Variants in TENM2 observed in about 807,000 individuals in gnomAD.
The protein encoded by TENM2 is teneurin-2.
A neutral mutation model predicts 245.2 loss-of-function variants in TENM2; 52 were observed. The ratio of observed to expected loss-of-function variants is 0.21; its 90% CI spans 0.17 to 0.27. The LOEUF is 0.27. Among genes scored for constraint, TENM2 ranks in the 10% least tolerant of loss-of-function variants. The pLI, the probability that TENM2 is intolerant of heterozygous loss-of-function variation, is 1.00. For missense variants in TENM2, 3,046 were observed against 3,666.8 expected, an observed-to-expected ratio of 0.83 and a Z score of 4.37; for synonymous variants, 1,363 against 1,438.9, an observed-to-expected ratio of 0.95 and a Z score of 1.19.
intron 3 of TENM2, among the ~76,000 whole-genome samples, chr5:167,891,759 G>A (rs1173257099): frequency 2.0e-5 from 3 of 152,086 alleles, no homozygotes; most frequent in Non-Finnish European, 4.4e-5. Flanking sequence ...ACAGGTGCTG[G>A]GCATTGCCTG....
chr5:167,529,438 A>G (rs1031447734), intron 2 of TENM2, among the ~76,000 whole-genome samples: 85 of 152,180 alleles, frequency 5.6e-4, no homozygotes, highest in African/African-American at 2.0e-3. Flanking sequence ...CTATAACTAG[A>G]ATCCATTGCC....
intron 13 of TENM2, among the ~76,000 whole-genome samples, chr5:168,170,136 G>T (rs1758671546): frequency 6.6e-6 from 1 of 152,130 alleles, no homozygotes; most frequent in African/African-American, 2.4e-5. Flanking sequence ...GGGCATATTT[G>T]ACTAGAGAAT....
chr5:167,779,064 G>A (rs578097434), intron 2 of TENM2, among the ~76,000 whole-genome samples: 1 of 152,292 alleles, frequency 6.6e-6, no homozygotes, highest in African/African-American at 2.4e-5. Flanking sequence ...GCAATGAGGT[G>A]GAAGGAAGAA....
At chr5:167,273,093 T>A in the TENM2 span, among the ~76,000 whole-genome samples, 1 of 152,166 alleles carries the variant, frequency 6.6e-6, no homozygotes, top group African/African-American at 2.4e-5. Context: ...TAGGATATTC[T>A]GAGAAGTTAA....
At chr5:167,190,230 C>G in the TENM2 span, among the ~76,000 whole-genome samples, 1 of 152,074 alleles carries the variant, frequency 6.6e-6, no homozygotes. Context: ...GTCTAATGTA[C>G]AAATTCTATA....
chr5:168,139,807 C>A (rs924578460), intron 12 of TENM2, among the ~76,000 whole-genome samples: 1 of 152,220 alleles, frequency 6.6e-6, no homozygotes, highest in African/African-American at 2.4e-5. Flanking sequence ...CATGACCCAG[C>A]TCCAGCTGAA....
intron 6 of TENM2, among the ~76,000 whole-genome samples, chr5:168,049,678 A>G (rs1432544553): frequency 6.6e-6 from 1 of 152,234 alleles, no homozygotes; most frequent in Non-Finnish European, 1.5e-5. Context: ...TGTCTTTGGA[A>G]AGACCAGAAT....
At chr5:167,867,684 A>T (rs1253386667) in intron 2 of TENM2, among the ~76,000 whole-genome samples, 2 of 152,236 alleles carry the variant, frequency 1.3e-5, no homozygotes, top group African/African-American at 4.8e-5. Context: ...AGTCAGGCTG[A>T]TATCGTCTCA....
chr5:168,145,321 G>A lies in TENM2; in HGVS notation c.2423-17290G>A, dbSNP rs1362735387. 2.0e-4 allele frequency among the ~76,000 whole-genome samples: 29 copies of A among 144,714 alleles called. No individual in the cohort carries two copies. In the East Asian group the frequency reaches 2.4e-3, roughly 12 times the overall value. 94.9% of individuals were successfully genotyped at this position (144,714 alleles called of 152,430 possible). ...GGGTTTTTATGGTTTTAGATCTAAC[G>A]TTTAAGTCTTTAATCCATCTTGAAT... On this transcript the variant is annotated intron_variant, in intron 12 of 28. Transcript: ENST00000518659.
chr5:167,210,558 G>C, the TENM2 span, among the ~76,000 whole-genome samples: 2 of 150,708 alleles, frequency 1.3e-5, no homozygotes, highest in African/African-American at 4.9e-5. Context: ...CTGCTTCCCG[G>C]GTTCACGCCA....
intron 2 of TENM2, among the ~76,000 whole-genome samples, chr5:167,378,605 C>T (rs565348520): frequency 1.3e-5 from 2 of 152,150 alleles, no homozygotes; most frequent in Admixed American, 1.3e-4. Flanking sequence ...GTTTTTGCTG[C>T]TGTGAAATTT....
the TENM2 span, among the ~76,000 whole-genome samples, chr5:167,136,588 T>A: frequency 6.6e-6 from 1 of 152,208 alleles, no homozygotes; most frequent in Non-Finnish European, 1.5e-5. Context: ...TACATTTTGA[T>A]CCACCCCTAT....
the TENM2 span, among the ~76,000 whole-genome samples, chr5:167,143,629 T>G: frequency 6.6e-6 from 1 of 152,188 alleles, no homozygotes; most frequent in East Asian, 1.9e-4. Context: ...TGAGTAGGCC[T>G]TAACCACTGA....
chr5:167,834,661 T>C (rs2909794), intron 2 of TENM2, among the ~76,000 whole-genome samples: 61,142 of 123,978 alleles, frequency 0.49, 12,717 homozygotes, highest in Middle Eastern at 0.61. Flanking sequence ...TTTTTTTTTT[T>C]CTTTTTGAGA....
At chr5:167,958,838 C>T (rs994053029) in intron 4 of TENM2, among the ~76,000 whole-genome samples, 1 of 151,530 alleles carries the variant, frequency 6.6e-6, no homozygotes, top group African/African-American at 2.4e-5. Context: ...AGCGTGTCTG[C>T]AGAGAGATCC....
chr5:167,272,962 A>G, the TENM2 span, among the ~76,000 whole-genome samples: 16 of 152,154 alleles, frequency 1.1e-4, no homozygotes, highest in African/African-American at 3.6e-4. Context: ...TTACACACAC[A>G]TACACAAACA....
the TENM2 span, among the ~76,000 whole-genome samples, chr5:166,986,853 C>T: frequency 1.3e-5 from 2 of 152,154 alleles, no homozygotes; most frequent in Non-Finnish European, 2.9e-5. Context: ...GTTAAGAACA[C>T]CATGAGTCTT....
At position 167,336,550 on chromosome 5, in the gene TENM2, T is replaced by A. The variant is rs138511325; in HGVS notation, c.227-38648T>A. 4.5e-3 allele frequency among the ~76,000 whole-genome samples: 679 copies of A among 152,140 alleles called. 7 individuals are homozygous for A. The highest frequency in any genetic ancestry group is 0.014 in the African/African-American group (598 of 41,504). Reference sequence around the variant, plus strand: ...ATGTCAGAAGTTTACAAATGGAAATTTGAGCAGAACGGTAGAGAATTCCAA... The same window carrying A: ...ATGTCAGAAGTTTACAAATGGAAATATGAGCAGAACGGTAGAGAATTCCAA... On this transcript the variant is annotated intron_variant, in intron 1 of 28. Coordinates refer to ENST00000518659, the Ensembl canonical transcript of TENM2.
At chr5:167,215,609 G>C in the TENM2 span, among the ~76,000 whole-genome samples, 1 of 152,162 alleles carries the variant, frequency 6.6e-6, no homozygotes, top group East Asian at 1.9e-4. Context: ...ATCTAAAATA[G>C]TCTCGGAACT....
Sources: allele counts gnomAD v4.1 joint callset (sites outside exome capture counted in the v4.1 genomes callset), GRCh38; gene constraint gnomAD v4.1.1; transcripts MANE v1.5; gene names NCBI Gene and HGNC (gene_info 2026-07-23, HGNC 2026-07-21).